The following ADCK5 variants were observed in gnomAD, a reference collection of about 807,000 sequenced individuals.
ADCK5 encodes aarF domain containing kinase 5, also known as uncharacterized aarF domain-containing protein kinase 5.
ADCK5 carries 43 observed loss-of-function variants against 64.9 expected under a neutral mutation model. The ratio of observed to expected loss-of-function variants is 0.66; its 90% CI spans 0.52 to 0.85. ADCK5 has a LOEUF of 0.85. Ranked by LOEUF, ADCK5 falls within the 40% of genes least tolerant of loss-of-function variation. ADCK5 has a pLI of 0.00. For missense variants in ADCK5, 760 were observed against 810.5 expected (o/e 0.94, Z 0.76); for synonymous variants, 434 against 342.8 (o/e 1.27, Z -2.94).
rs1820260278 is a variant in ADCK5, at chr8:144,391,934, T to C, written c.1015-7T>C. The C allele has an allele frequency of 6.2e-7, 1 of 1,612,274 alleles. No individual in the cohort carries two copies. The highest frequency in any genetic ancestry group is 8.5e-7 in the Non-Finnish European group (1 of 1,179,944). On this transcript the variant is annotated splice_polypyrimidine_tract_variant and splice_region_variant and intron_variant, in intron 9 of 14. Coordinates refer to ENST00000308860, the MANE Select transcript of ADCK5 (RefSeq NM_174922.5). ...TGTGTCCACTGCAATGCCTCTCCTC[T>C]CCCCAGATAGCAGAAAAGCTCATCA...
Position 144,379,480 on chromosome 8 carries a change from C to T in ADCK5, c.106C>T (p.Leu36Phe). ...GTTCTTCAGGAGAAACGTCAGGGGCCTTCCTCCAAGGTAACGAGTCCTCCA... is the reference window on the plus strand; with the variant it reads ...GTTCTTCAGGAGAAACGTCAGGGGCTTTCCTCCAAGGTAACGAGTCCTCCA... ...AVFFRRNVRG[L>F]PPRFSSPTPL... The change falls in exon 2 of 15, where the codon CTT becomes TTT. Residue 36 changes from leucine (L) to phenylalanine (F), a missense_variant. This residue lies in a region of ADCK5 where 427 missense variants were observed against 518.4 expected (regional missense o/e 0.82). Coordinates refer to ENST00000308860, the MANE Select transcript of ADCK5 (RefSeq NM_174922.5). The T allele has an allele frequency of 6.2e-7, 1 of 1,602,380 alleles. No individual in the cohort carries two copies. The highest frequency in any genetic ancestry group is 1.7e-5 in the Admixed American group (1 of 59,236).
chr8:144,393,158 C>T lies in ADCK5; in HGVS notation c.*84C>T. On this transcript the variant is annotated 3_prime_UTR_variant, in exon 15 of 15. Transcript: ENST00000308860. Reference sequence around the variant, plus strand: ...GGCTAGAGGTGTAGACACCCCGAGCCCCGTGGGCACTCGCACTGGGGGGCT... The same window carrying T: ...GGCTAGAGGTGTAGACACCCCGAGCTCCGTGGGCACTCGCACTGGGGGGCT... 2.2e-6 allele frequency: 3 copies of T among 1,390,396 alleles called. No homozygotes were observed. Among genetic ancestry groups the T allele is most frequent in the Non-Finnish European group, 2.9e-6 (3 of 1,048,274 alleles). The allele number at this position is 1,390,396 out of a possible 1,614,324, so 86.1% of individuals were successfully genotyped here.
intron 3 of ADCK5, among the ~76,000 whole-genome samples, chr8:144,386,160 G>A (rs1174094022): frequency 1.3e-5 from 2 of 150,440 alleles, no homozygotes; most frequent in South Asian, 2.1e-4. Flanking sequence ...AGGTGTGCGC[G>A]CCACCATGCC....
At chr8:144,385,331 G>A (rs1554859083) in intron 3 of ADCK5, among the ~76,000 whole-genome samples, 1 of 151,610 alleles carries the variant, frequency 6.6e-6, no homozygotes, top group African/African-American at 2.4e-5. Context: ...TTTCGGGTGT[G>A]TGGCACCACG....
intron 7 of ADCK5, 27 bp from the exon 8 acceptor site, chr8:144,391,553 G>A (rs782120255): frequency 5.7e-6 from 9 of 1,584,486 alleles, no homozygotes; most frequent in Non-Finnish European, 6.0e-6. Context: ...AGGCAGAGCT[G>A]GTCTTCAACC....
intron 2 of ADCK5, among the ~76,000 whole-genome samples, chr8:144,379,994 T>G (rs1050035525): frequency 3.3e-5 from 5 of 152,214 alleles, no homozygotes; most frequent in Admixed American, 2.0e-4. Context: ...CAGGGTGAGC[T>G]GTCCAAGCGC....
chr8:144,388,093 G>A (rs976035744), intron 3 of ADCK5, among the ~76,000 whole-genome samples: 11 of 152,006 alleles, frequency 7.2e-5, no homozygotes, highest in African/African-American at 2.7e-4. Context: ...GTGAGGCAAT[G>A]TGAAATGCAA....
At chr8:144,383,872 G>A in intron 3 of ADCK5, among the ~76,000 whole-genome samples, 1 of 143,034 alleles carries the variant, frequency 7.0e-6, no homozygotes, top group Admixed American at 7.1e-5. Context: ...AGAGAAACCT[G>A]TTAGCCCAAA....
intron 2 of ADCK5, among the ~76,000 whole-genome samples, chr8:144,380,942 G>A (rs1271263310): frequency 8.8e-6 from 1 of 113,580 alleles, no homozygotes; most frequent in African/African-American, 3.6e-5. Context: ...TGGGCTGGGT[G>A]TAGAAGCAGA....
At chr8:144,379,580 G>T in intron 2 of ADCK5, 90 bp downstream of exon 2, 1 of 1,101,340 alleles carries the variant, frequency 9.1e-7, no homozygotes, top group Non-Finnish European at 1.3e-6. Flanking sequence ...GAGGGCCCAA[G>T]GCTGGACCTT....
chr8:144,381,773 GGCCCCTGCT>G (rs1586580806), intron 2 of ADCK5, among the ~76,000 whole-genome samples: 5,858 of 116,970 alleles, frequency 0.05, 1,260 homozygotes, highest in South Asian at 0.061. Flanking sequence ...TGTGTGCTCA[GGCCCCTGCT>G]GCACTCAGGA....
rs186278664 is a variant in ADCK5 at position 144,376,120 on chromosome 8, T to G, written c.12+2013T>G. Among the ~76,000 whole-genome samples the G allele has an allele frequency of 6.6e-6, 1 of 152,268 alleles. No homozygotes were observed. The highest frequency in any genetic ancestry group is 1.9e-4 in the East Asian group (1 of 5,184). ...CTGGGTGTGCTGGGCGCTCCACATT[T>G]GGAGGAGACAGGCTCTTGCTCAGCC... On this transcript the variant is annotated intron_variant, in intron 1 of 14. Coordinates refer to ENST00000308860, the MANE Select transcript of ADCK5 (RefSeq NM_174922.5). This position sits in a 1 kb window ranked among gnomAD's most constrained non-coding sequence, Gnocchi z 5.1.
intron 3 of ADCK5, among the ~76,000 whole-genome samples, chr8:144,386,834 C>A (rs1819946867): frequency 6.6e-6 from 1 of 152,224 alleles, no homozygotes; most frequent in Non-Finnish European, 1.5e-5. Context: ...CCCTCAGGGC[C>A]ACCATGGAAA....
intron 3 of ADCK5, among the ~76,000 whole-genome samples, chr8:144,386,700 G>A (rs1819941936): frequency 6.6e-6 from 1 of 152,178 alleles, no homozygotes; most frequent in Admixed American, 6.5e-5. Context: ...GGGCGGGATT[G>A]ATTGAAAATC....
At chr8:144,392,735 C>G in intron 13 of ADCK5, 38 bp downstream of exon 13, 1 of 1,588,532 alleles carries the variant, frequency 6.3e-7, no homozygotes, top group East Asian at 2.3e-5. Flanking sequence ...CGTGGTGGGG[C>G]TGGTGTGGGG....
intron 3 of ADCK5, among the ~76,000 whole-genome samples, chr8:144,388,437 A>G (rs2130719440): frequency 6.6e-6 from 1 of 152,148 alleles, no homozygotes; most frequent in Non-Finnish European, 1.5e-5. Context: ...TTTTGTTACA[A>G]AAGTGTTGTG....
At chr8:144,374,019 C>T (rs1014535148), upstream of ADCK5, 3 of 1,237,164 alleles carry the variant, frequency 2.4e-6, no homozygotes, top group Non-Finnish European at 3.0e-6. Context: ...GCGCACTACG[C>T]GCCCTCCCGC....
chr8:144,378,097 C>T lies in ADCK5; in HGVS notation c.13-1290C>T, dbSNP rs1053023925. On this transcript the variant is annotated intron_variant, in intron 1 of 14. Transcript: ENST00000308860. Reference sequence around the variant, plus strand: ...GATGCCCTGTCAGCATCTGAGGCATCAGCCCTGGTTAAGCTGCGTTTAGCC... The same window carrying T: ...GATGCCCTGTCAGCATCTGAGGCATTAGCCCTGGTTAAGCTGCGTTTAGCC... Among the ~76,000 whole-genome samples the T allele has an allele frequency of 3.3e-5, 5 of 152,210 alleles. No homozygotes were observed. The South Asian group carries it at 8.3e-4, about 25-fold the overall frequency.
At chr8:144,392,922 G>A (rs376127969) in intron 14 of ADCK5, 30 bp downstream of exon 14, 135 of 1,592,158 alleles carry the variant, frequency 8.5e-5, no homozygotes, top group Non-Finnish European at 1.1e-4. Context: ...GTGGGTGGCG[G>A]GGGCCTGCTC....
Sources: allele counts gnomAD v4.1 joint callset (sites outside exome capture counted in the v4.1 genomes callset), GRCh38; gene constraint gnomAD v4.1.1; regional missense constraint gnomAD v4.1.1; non-coding constraint Gnocchi (gnomAD v3.1); transcripts MANE v1.5; gene names NCBI Gene and HGNC (gene_info 2026-07-23, HGNC 2026-07-21).